Variants in PHF14 observed in about 807,000 individuals in gnomAD.
The protein encoded by PHF14 is PHD finger protein 14.
Under a neutral mutation model 117.9 loss-of-function variants are expected in PHF14, and 55 were observed. The ratio of observed to expected loss-of-function variants is 0.47; its 90% confidence interval spans 0.38 to 0.58. The LOEUF is 0.58. Among genes scored for constraint, PHF14 ranks in the 20% least tolerant of loss-of-function variants. The pLI is 0.00. For missense variants in PHF14, 978 were observed against 1,122.2 expected, an observed-to-expected ratio of 0.87 and a Z score of 1.84; for synonymous variants, 409 against 368.6, an observed-to-expected ratio of 1.11 and a Z score of -1.26.
At chr7:11,063,470 A>G (rs1400928922) in intron 16 of PHF14, 3 of 981,802 alleles carry the variant, frequency 3.1e-6, no homozygotes, top group Non-Finnish European at 3.6e-6. Flanking sequence ...AATTCAGGAA[A>G]ATTCCCTTGG....
rs187715330 is a variant in PHF14, at chr7:10,992,400, C to T, written c.1045+1553C>T. ...GCAAAGGGCCGGGTGCAGTGGCTCA[C>T]GCCTGTAATCCCAGCACTTTGGGAG... is the stretch of plus-strand genomic sequence containing the variant. On this transcript the variant is annotated intron_variant, in intron 4 of 17. Coordinates refer to ENST00000634607, the MANE Select transcript of PHF14 (RefSeq NM_001007157.2). 3.9e-3 allele frequency among the ~76,000 whole-genome samples: 592 copies of T among 151,216 alleles called. 4 individuals are homozygous for T. Among genetic ancestry groups the T allele is most frequent in the African/African-American group, 0.014 (568 of 41,238 alleles).
intron 17 of PHF14, among the ~76,000 whole-genome samples, chr7:11,115,491 A>G (rs1787570992): frequency 1.3e-5 from 2 of 152,066 alleles, no homozygotes; most frequent in African/African-American, 4.8e-5. Flanking sequence ...GTGCATACTT[A>G]AGATGTTTTT....
At chr7:11,131,123 T>C (rs549345627) in intron 17 of PHF14, among the ~76,000 whole-genome samples, 2 of 152,068 alleles carry the variant, frequency 1.3e-5, no homozygotes, top group East Asian at 1.9e-4. Context: ...TTGGCAGTTA[T>C]GAATAACGCT....
At chr7:11,141,306 A>G (rs1562483771) in intron 17 of PHF14, among the ~76,000 whole-genome samples, 1 of 152,058 alleles carries the variant, frequency 6.6e-6, no homozygotes, top group African/African-American at 2.4e-5. Context: ...GTTCAGAAGG[A>G]TTGTTAATGA....
At chr7:11,042,377 A>C (rs1246348540) in intron 12 of PHF14, among the ~76,000 whole-genome samples, 1 of 152,070 alleles carries the variant, frequency 6.6e-6, no homozygotes, top group Non-Finnish European at 1.5e-5. Context: ...AGTAATAACT[A>C]AAATTAAAAT....
At chr7:10,989,254 A>G (rs886638732) in intron 3 of PHF14, among the ~76,000 whole-genome samples, 1 of 152,188 alleles carries the variant, frequency 6.6e-6, no homozygotes, top group African/African-American at 2.4e-5. Flanking sequence ...GTGACCTTCA[A>G]GTGTATTCAA....
At chr7:11,077,599 T>TAAAAAAA (rs10658162) in intron 16 of PHF14, among the ~76,000 whole-genome samples, 16 of 105,036 alleles carry the variant, frequency 1.5e-4, no homozygotes, top group African/African-American at 6.3e-4. Context: ...GACTCTGTCT[T>TAAAAAAA]AAAAAAAAAA....
intron 16 of PHF14, among the ~76,000 whole-genome samples, chr7:11,087,898 T>C (rs1317605221): frequency 6.6e-6 from 1 of 152,216 alleles, no homozygotes; most frequent in Non-Finnish European, 1.5e-5. Flanking sequence ...ATTTTTAAAG[T>C]GTATAACTTG....
At chr7:11,056,938 C>T (rs1785041468) in intron 14 of PHF14, among the ~76,000 whole-genome samples, 1 of 151,706 alleles carries the variant, frequency 6.6e-6, no homozygotes, top group Non-Finnish European at 1.5e-5. Flanking sequence ...CAGAGGTTTT[C>T]AAAGTTTGAC....
intron 17 of PHF14, among the ~76,000 whole-genome samples, chr7:11,137,278 T>G (rs1788248649): frequency 6.6e-6 from 1 of 152,214 alleles, no homozygotes; most frequent in Non-Finnish European, 1.5e-5. Flanking sequence ...AAACTTACTT[T>G]AGAAGAGGTG....
chr7:11,097,469 G>T (rs7788474), intron 16 of PHF14, among the ~76,000 whole-genome samples: 2,098 of 152,068 alleles, frequency 0.014, 43 homozygotes, highest in African/African-American at 0.048. Context: ...ATTAGGCGTA[G>T]TAGTAGGCCT....
chr7:11,053,856 T>C (rs1054916759), intron 14 of PHF14, among the ~76,000 whole-genome samples: 1 of 152,046 alleles, frequency 6.6e-6, no homozygotes. Context: ...TATAATCCCA[T>C]TCCTTTCATC....
chr7:11,147,446 T>C (rs771000701), intron 17 of PHF14, among the ~76,000 whole-genome samples: 2 of 152,170 alleles, frequency 1.3e-5, no homozygotes, highest in African/African-American at 4.8e-5. Flanking sequence ...AGTCCCTCTT[T>C]AAGCTATTTT....
intron 14 of PHF14, among the ~76,000 whole-genome samples, chr7:11,059,451 A>G (rs1244692332): frequency 1.3e-5 from 2 of 152,168 alleles, no homozygotes; most frequent in Non-Finnish European, 2.9e-5. Context: ...TTTCCACTTG[A>G]TATTGGTTAC....
intron 12 of PHF14, among the ~76,000 whole-genome samples, chr7:11,042,478 A>G (rs1246448513): frequency 1.3e-5 from 2 of 151,986 alleles, no homozygotes; most frequent in East Asian, 1.9e-4. Flanking sequence ...GATCCAAGCT[A>G]TTTTTAACAT....
intron 4 of PHF14, among the ~76,000 whole-genome samples, chr7:11,007,324 TG>T (rs1391828852): frequency 6.6e-6 from 1 of 152,216 alleles, no homozygotes; most frequent in African/African-American, 2.4e-5. Context: ...TCCTTGCAAA[TG>T]TTTTTTATGT....
At chr7:11,040,392 A>T (rs1214059952) in intron 11 of PHF14, among the ~76,000 whole-genome samples, 2 of 151,978 alleles carry the variant, frequency 1.3e-5, no homozygotes, top group African/African-American at 4.8e-5. Flanking sequence ...TAAACCTCCT[A>T]CGTATGTGTC....
In PHF14 at chr7:10,982,931, A is replaced by G; in HGVS notation, c.672A>G (p.Arg224=). Reference sequence around the variant, plus strand: ...CTACTGTAGTAAAGAGAAAAGGGAGATCTGCGTCTCAGAAAGAGGGAAGTG... The same window carrying G: ...CTACTGTAGTAAAGAGAAAAGGGAGGTCTGCGTCTCAGAAAGAGGGAAGTG... ...WRPTVVKRKG[R]SASQKEGSDG... The change falls in exon 3 of 18, where the codon AGA becomes AGG. Residue 224 remains arginine (R), a synonymous_variant. Coordinates refer to ENST00000634607, the MANE Select transcript of PHF14 (RefSeq NM_001007157.2). 1 of 1,609,384 alleles carries G rather than the reference A, an allele frequency of 6.2e-7. No individual in the cohort carries two copies. Among genetic ancestry groups the G allele is most frequent in the South Asian group, 1.1e-5 (1 of 90,492 alleles).
chr7:11,080,519 C>G (rs577947126), intron 16 of PHF14, among the ~76,000 whole-genome samples: 1 of 152,072 alleles, frequency 6.6e-6, no homozygotes, highest in Non-Finnish European at 1.5e-5. Flanking sequence ...TTTTATTGCT[C>G]TTTATGGAAC....
Sources: allele counts gnomAD v4.1 joint callset (sites outside exome capture counted in the v4.1 genomes callset), GRCh38; gene constraint gnomAD v4.1.1; transcripts MANE v1.5; gene names NCBI Gene and HGNC (gene_info 2026-07-23, HGNC 2026-07-21).